The following RYR2 variants were observed in gnomAD, a reference collection of about 807,000 sequenced individuals.
RYR2 encodes cardiac muscle ryanodine receptor-calcium release channel.
RYR2 carries 227 observed loss-of-function variants against 601.1 expected under a neutral mutation model. That is an observed-to-expected ratio of 0.38 (90% CI 0.34 to 0.42). RYR2 has a LOEUF of 0.42. RYR2 is among the 10% of genes least tolerant of loss of function. The pLI is 1.00. For missense variants in RYR2, 4,646 were observed against 6,156.5 expected (o/e 0.75, Z 8.21); for synonymous variants, 2,223 against 2,175.1 (o/e 1.02, Z -0.61).
At chr1:237,628,157 C>A in intron 41 of RYR2, 77 bp downstream of exon 41, 1 of 1,444,340 alleles carries the variant, frequency 6.9e-7, no homozygotes, top group Non-Finnish European at 9.4e-7. Flanking sequence ...AGTACATTAA[C>A]TACATTGATA....
intron 2 of RYR2, among the ~76,000 whole-genome samples, chr1:237,295,949 T>C (rs1235578106): frequency 6.6e-6 from 1 of 152,192 alleles, no homozygotes; most frequent in Non-Finnish European, 1.5e-5. Context: ...ATAAACCATT[T>C]AGCTAATAAT....
chr1:237,654,968 A>G (rs1280964149), intron 52 of RYR2, among the ~76,000 whole-genome samples: 1 of 152,170 alleles, frequency 6.6e-6, no homozygotes, highest in East Asian at 1.9e-4. Flanking sequence ...AAAAGGCAGA[A>G]CAACAAGTTT....
At chr1:237,200,466 T>C (rs994970614) in intron 1 of RYR2, among the ~76,000 whole-genome samples, 3 of 152,172 alleles carry the variant, frequency 2.0e-5, no homozygotes, top group Non-Finnish European at 4.4e-5. Flanking sequence ...TGTTGCACCA[T>C]ATTTGCCAGG....
rs190986600 is a variant in RYR2 at position 237,567,463 on chromosome 1, A to G, written c.3423+688A>G. On this transcript the variant is annotated intron_variant, in intron 28 of 104. Transcript: ENST00000366574. ...AAATTAGCCAAGCATGGTGGTGTGC[A>G]CTTGTGGTCCCAGCTACATACGAGG... is the stretch of plus-strand genomic sequence containing the variant. Among the ~76,000 whole-genome samples, 55 of 151,124 alleles carry G rather than the reference A, an allele frequency of 3.6e-4. 2 individuals are homozygous for G. The highest frequency in any genetic ancestry group is 1.3e-3 in the African/African-American group (54 of 41,264).
At chr1:237,450,959 ATTAT>A (rs925518367) in intron 14 of RYR2, among the ~76,000 whole-genome samples, 16 of 152,040 alleles carry the variant, frequency 1.1e-4, no homozygotes, top group African/African-American at 3.9e-4. Context: ...CTTTAGTTGT[ATTAT>A]TTAACTCCAG....
chr1:237,260,021 G>T (rs1688365580), intron 1 of RYR2, among the ~76,000 whole-genome samples: 1 of 152,178 alleles, frequency 6.6e-6, no homozygotes, highest in Non-Finnish European at 1.5e-5. Context: ...TTGGTTTTTA[G>T]TTCATGCATA....
chr1:237,578,198 A>G (rs10925461), intron 29 of RYR2, among the ~76,000 whole-genome samples: 45,417 of 151,940 alleles, frequency 0.3, 7,268 homozygotes, highest in East Asian at 0.61. Context: ...ATAAAGGTAT[A>G]AGTATGAGAG....
chr1:237,573,341 C>T (rs12138893), intron 29 of RYR2, among the ~76,000 whole-genome samples: 4,725 of 151,874 alleles, frequency 0.031, 117 homozygotes, highest in Middle Eastern at 0.058. Flanking sequence ...TAGTAGACAA[C>T]ATGGCCAAGT....
intron 25 of RYR2, among the ~76,000 whole-genome samples, chr1:237,540,738 T>C (rs1669172126): frequency 6.7e-6 from 1 of 148,150 alleles, no homozygotes. Flanking sequence ...AAAAGCATAC[T>C]AGGATCATCT....
intron 22 of RYR2, among the ~76,000 whole-genome samples, chr1:237,503,905 A>G (rs2150497637): frequency 6.6e-6 from 1 of 152,238 alleles, no homozygotes; most frequent in East Asian, 1.9e-4. Flanking sequence ...ATGGGGTTTC[A>G]TCACGTTGGC....
intron 63 of RYR2, among the ~76,000 whole-genome samples, chr1:237,697,152 A>AT (rs1363605857): frequency 6.6e-6 from 1 of 150,792 alleles, no homozygotes; most frequent in Non-Finnish European, 1.5e-5. Flanking sequence ...CACCAGGTTC[A>AT]TTTTTTGCCT....
chr1:237,710,425 T>C (rs1024281910), intron 70 of RYR2, among the ~76,000 whole-genome samples: 1 of 152,162 alleles, frequency 6.6e-6, no homozygotes, highest in African/African-American at 2.4e-5. Context: ...AATATGCATA[T>C]TTAATATTTG....
At chr1:237,401,857 C>T (rs1558757258) in intron 10 of RYR2, among the ~76,000 whole-genome samples, 1 of 152,094 alleles carries the variant, frequency 6.6e-6, no homozygotes, top group Non-Finnish European at 1.5e-5. Flanking sequence ...CCATGAACCA[C>T]ATCATTAGCA....
At chr1:237,594,100 C>A (rs1675539115) in intron 33 of RYR2, among the ~76,000 whole-genome samples, 1 of 152,178 alleles carries the variant, frequency 6.6e-6, no homozygotes, top group African/African-American at 2.4e-5. Context: ...CTTTCCTCAG[C>A]TTTGCCATTG....
rs183270912 is a variant in RYR2 at position 237,714,855 on chromosome 1, G to A, written c.10324-2343G>A. Among the ~76,000 whole-genome samples the A allele has an allele frequency of 6.6e-3, 1,000 of 151,808 alleles. 15 individuals are homozygous for A. Among genetic ancestry groups the A allele is most frequent in the African/African-American group, 0.023 (943 of 41,388 alleles). On this transcript the variant is annotated intron_variant, in intron 71 of 104. Transcript: ENST00000366574. The stretch of plus-strand genomic sequence containing the variant: ...AATACAAAAAAAAAATTAGCCAGGC[G>A]TGGTGGTGGGTGCCTCTAATCCCAG...
intron 1 of RYR2, among the ~76,000 whole-genome samples, chr1:237,060,442 A>G (rs1313762611): frequency 6.6e-6 from 1 of 152,208 alleles, no homozygotes; most frequent in Non-Finnish European, 1.5e-5. Flanking sequence ...ACAGATAGTA[A>G]AGTACATAAA....
chr1:237,403,219 C>A (rs573274506), intron 10 of RYR2, among the ~76,000 whole-genome samples: 8 of 152,120 alleles, frequency 5.3e-5, no homozygotes, highest in African/African-American at 1.9e-4. Context: ...AATCAGATCA[C>A]AGGTATGCAC....
At chr1:237,082,453 A>T (rs1199262683) in intron 1 of RYR2, among the ~76,000 whole-genome samples, 1 of 148,346 alleles carries the variant, frequency 6.7e-6, no homozygotes, top group Non-Finnish European at 1.5e-5. Flanking sequence ...TGCTGCTTTC[A>T]TGCACCTGAT....
chr1:237,289,111 C>T (rs541242148), intron 2 of RYR2, among the ~76,000 whole-genome samples: 4 of 152,216 alleles, frequency 2.6e-5, no homozygotes, highest in East Asian at 1.9e-4. Context: ...AGAGGAGGGC[C>T]GCCCTTTCCT....
Sources: allele counts gnomAD v4.1 joint callset (sites outside exome capture counted in the v4.1 genomes callset), GRCh38; gene constraint gnomAD v4.1.1; transcripts MANE v1.5; gene names NCBI Gene and HGNC (gene_info 2026-07-23, HGNC 2026-07-21).